The following ITGAV variants were observed in gnomAD, a reference collection of about 807,000 sequenced individuals.
ITGAV encodes the protein integrin subunit alpha V, also known as integrin alpha-V.
Under a neutral mutation model 143.8 loss-of-function variants are expected in ITGAV, and 76 were observed. That is an observed-to-expected ratio of 0.53 (90% CI 0.44 to 0.64). The LOEUF (loss-of-function observed/expected upper bound fraction) is 0.64, where lower values mean the gene tolerates loss of function less well. Ranked by LOEUF, ITGAV falls within the 30% of genes least tolerant of loss-of-function variation. The probability of loss-of-function intolerance (pLI) is 0.00; values close to 1 mark genes in which losing one functional copy is unlikely to be tolerated. For missense variants in ITGAV, 1,193 were observed against 1,274.7 expected, an observed-to-expected ratio of 0.94 and a Z score of 0.98; for synonymous variants, 453 against 446.7, an observed-to-expected ratio of 1.01 and a Z score of -0.18.
At chr2:186,599,773 G>T (rs1250945247) in intron 1 of ITGAV, among the ~76,000 whole-genome samples, 1 of 152,144 alleles carries the variant, frequency 6.6e-6, no homozygotes, top group Non-Finnish European at 1.5e-5. Flanking sequence ...TGCTCTCTAG[G>T]CTTTTCTCCC....
chr2:186,680,415 G>A lies in ITGAV; in HGVS notation c.*3123G>A, dbSNP rs1461821146. 6.6e-6 allele frequency: 1 copy of A among 152,488 alleles called. No individual in the cohort carries two copies. The highest frequency in any genetic ancestry group is 2.4e-5 in the African/African-American group (1 of 41,424). 9.4% of individuals were successfully genotyped at this position (152,488 alleles called of 1,614,324 possible). A position where few individuals can be genotyped will look rare whatever the true frequency, so the allele number is the denominator to read the frequency against. ...TTCATTTTAATTTCTGATATATAAT[G>A]AACTTCTTGGGAGAGGTACTGAATC... On this transcript the variant is annotated 3_prime_UTR_variant, in exon 30 of 30. Coordinates refer to ENST00000261023, the MANE Select transcript of ITGAV (RefSeq NM_002210.5).
At chr2:186,624,791 T>G (rs1419432855) in intron 3 of ITGAV, among the ~76,000 whole-genome samples, 1 of 152,168 alleles carries the variant, frequency 6.6e-6, no homozygotes, top group African/African-American at 2.4e-5. Flanking sequence ...TACTGCGCAT[T>G]ATTTTACTCT....
chr2:186,648,079 ATTTCT>A (rs1559058080), intron 13 of ITGAV, among the ~76,000 whole-genome samples: 2 of 152,168 alleles, frequency 1.3e-5, no homozygotes, highest in African/African-American at 4.8e-5. Context: ...TTTCAGAAAC[ATTTCT>A]TTATTATTCT....
chr2:186,668,835 A>C lies in ITGAV; in HGVS notation c.2507A>C (p.Asn836Thr). 1 of 1,613,330 alleles carries C rather than the reference A, an allele frequency of 6.2e-7. No individual in the cohort carries two copies. Among genetic ancestry groups the C allele is most frequent in the South Asian group, 1.1e-5 (1 of 91,016 alleles). The change falls in exon 25 of 30, where the codon AAC (asparagine) becomes ACC (threonine). Residue 836 changes from asparagine (N) to threonine (T), a missense_variant. Asn to Thr is a moderately conservative substitution (Grantham distance 65). Coordinates refer to ENST00000261023, the MANE Select transcript of ITGAV (RefSeq NM_002210.5). ...CAGTGGCCTTACAAATATAATAATA[A>C]CACTCTGTTGTATATCCTTCATTAT... is the stretch of plus-strand genomic sequence containing the variant. ...HLQWPYKYNN[N>T]TLLYILHYDI...
chr2:186,677,212 C>T lies in ITGAV; in HGVS notation c.3067C>T (p.Arg1023Trp), dbSNP rs754438033. ...CAACTGACAGATGGGCTTTTTTAAA[C>T]GGGTCCGGCCACCTCAAGAAGAACA... ...FVMYRMGFFK[R>W]VRPPQEEQER... Residue 1023 changes from arginine (R) to tryptophan (W), a missense_variant, in exon 30 of 30, where the codon CGG becomes TGG. Coordinates refer to ENST00000261023, the MANE Select transcript of ITGAV (RefSeq NM_002210.5). 1.4e-5 allele frequency: 22 copies of T among 1,613,316 alleles called. No individual in the cohort carries two copies. Among genetic ancestry groups the T allele is most frequent in the East Asian group, 2.2e-5 (1 of 44,858 alleles).
intron 2 of ITGAV, among the ~76,000 whole-genome samples, chr2:186,610,718 A>G (rs539906337): frequency 6.6e-6 from 1 of 152,322 alleles, no homozygotes; most frequent in South Asian, 2.1e-4. Context: ...TATTTTGGGT[A>G]TGATTTCTTT....
At chr2:186,591,002 G>C (rs1174080307) in intron 1 of ITGAV, among the ~76,000 whole-genome samples, 2 of 152,136 alleles carry the variant, frequency 1.3e-5, no homozygotes, top group Admixed American at 6.5e-5. Context: ...TTCCGCCTCT[G>C]TCTGATTCTG....
At chr2:186,624,951 T>A (rs1312087624) in intron 3 of ITGAV, among the ~76,000 whole-genome samples, 32 of 11,438 alleles carry the variant, frequency 2.8e-3, no homozygotes, top group Admixed American at 0.012. Context: ...CTAACTATTT[T>A]GAAAAAAAAA....
chr2:186,600,959 CAAA>C (rs556490103), intron 1 of ITGAV, among the ~76,000 whole-genome samples: 4 of 93,042 alleles, frequency 4.3e-5, no homozygotes. Flanking sequence ...GACTCTGTCT[CAAA>C]AAAAAAAAAA....
chr2:186,601,744 C>T (rs1405016891), intron 1 of ITGAV, among the ~76,000 whole-genome samples: 1 of 151,996 alleles, frequency 6.6e-6, no homozygotes, highest in Non-Finnish European at 1.5e-5. Flanking sequence ...ATAAACTGTA[C>T]ATATTTAAAG....
intron 4 of ITGAV, among the ~76,000 whole-genome samples, chr2:186,626,890 G>T (rs1559048642): frequency 6.6e-6 from 1 of 152,140 alleles, no homozygotes; most frequent in Non-Finnish European, 1.5e-5. Context: ...ATCTTCGGTG[G>T]TATGTAGAGA....
chr2:186,637,112 A>C lies in ITGAV; in HGVS notation c.802+3A>C. On this transcript the variant is annotated splice_donor_region_variant and intron_variant, in intron 8 of 29. Transcript: ENST00000261023. ...TTTCAATGGTGATGGCATAGATGGT[A>C]TGAAGTACTTGAACTATATCTAATC... 1 of 1,607,450 alleles carries C rather than the reference A, an allele frequency of 6.2e-7. No individual in the cohort carries two copies. The highest frequency in any genetic ancestry group is 8.5e-7 in the Non-Finnish European group (1 of 1,173,980).
intron 13 of ITGAV, among the ~76,000 whole-genome samples, chr2:186,648,992 G>A (rs1279289307): frequency 1.5e-3 from 12 of 7,786 alleles, no homozygotes; most frequent in African/African-American, 2.4e-3. Flanking sequence ...ACATTTGTGT[G>A]TATATATATA....
intron 13 of ITGAV, among the ~76,000 whole-genome samples, chr2:186,647,139 T>C (rs1049817403): frequency 1.3e-5 from 2 of 152,190 alleles, no homozygotes; most frequent in Admixed American, 1.3e-4. Context: ...ACAGAAGTTA[T>C]AAACAAAAGT....
rs1016683652 is a variant in ITGAV at position 186,644,571 on chromosome 2, G to A, written c.1160-2115G>A. The stretch of plus-strand genomic sequence containing the variant: ...AATCTCTTGACCTCGTGACCCACCC[G>A]CCTCGGCCTCTGAAAGTGCTGGGAA... On this transcript the variant is annotated intron_variant, in intron 12 of 29. Transcript: ENST00000261023. Among the ~76,000 whole-genome samples, 11 of 151,934 alleles carry A rather than the reference G, an allele frequency of 7.2e-5. No individual in the cohort carries two copies. In the South Asian group the frequency reaches 1.7e-3, roughly 23 times the overall value.
intron 2 of ITGAV, among the ~76,000 whole-genome samples, chr2:186,609,308 A>C (rs1454000261): frequency 6.6e-6 from 1 of 152,202 alleles, no homozygotes; most frequent in African/African-American, 2.4e-5. Flanking sequence ...CATTTATTAA[A>C]AGGCCATGTA....
intron 2 of ITGAV, among the ~76,000 whole-genome samples, chr2:186,608,848 CTTAACAG>C (rs754315725): frequency 3.5e-4 from 53 of 152,094 alleles, no homozygotes; most frequent in Non-Finnish European, 6.3e-4. Flanking sequence ...ATGTTGGTAA[CTTAACAG>C]TTATCTGAAA....
chr2:186,640,910 T>C lies in ITGAV; in HGVS notation c.904-5T>C. 1 of 1,586,514 alleles carries C rather than the reference T, an allele frequency of 6.3e-7. No homozygotes were observed. The highest frequency in any genetic ancestry group is 8.6e-7 in the Non-Finnish European group (1 of 1,161,518). On this transcript the variant is annotated splice_polypyrimidine_tract_variant and splice_region_variant and intron_variant, in intron 10 of 29. Coordinates refer to ENST00000261023, the MANE Select transcript of ITGAV (RefSeq NM_002210.5). ...TAAACATTTCATTTTCATCTTTTTA[T>C]CCAGATGGCTGCATATTTCGGATTT... is the stretch of plus-strand genomic sequence containing the variant.
At chr2:186,598,294 TACACAC>T (rs56789925) in intron 1 of ITGAV, among the ~76,000 whole-genome samples, 74,900 of 147,784 alleles carry the variant, frequency 0.51, 19,093 homozygotes, top group East Asian at 0.75. Context: ...TTATAATTTA[TACACAC>T]ACACACACAC....
Sources: allele counts gnomAD v4.1 joint callset (sites outside exome capture counted in the v4.1 genomes callset), GRCh38; gene constraint gnomAD v4.1.1; transcripts MANE v1.5; gene names NCBI Gene and HGNC (gene_info 2026-07-23, HGNC 2026-07-21).